The following MDN1 variants were observed in gnomAD, a reference collection of about 807,000 sequenced individuals.
The protein encoded by MDN1 is midasin AAA ATPase 1, also known as midasin.
Under a neutral mutation model 669.2 loss-of-function variants are expected in MDN1, and 266 were observed. The ratio of observed to expected loss-of-function variants is 0.40; its 90% CI spans 0.36 to 0.44. The LOEUF (loss-of-function observed/expected upper bound fraction) is 0.44, where lower values mean the gene tolerates loss of function less well. Ranked by LOEUF, MDN1 falls within the 20% of genes least tolerant of loss-of-function variation. The probability of loss-of-function intolerance (pLI) is 1.00; values close to 1 mark genes in which losing one functional copy is unlikely to be tolerated. For synonymous variants in MDN1, 2,385 were observed against 2,457.1 expected, an observed-to-expected ratio of 0.97 and a Z score of 0.87; for missense variants, 5,940 against 6,754.0, an observed-to-expected ratio of 0.88 and a Z score of 4.22.
At position 89,650,779 on chromosome 6, in the gene MDN1, A is replaced by C; in HGVS notation, c.15984T>G (p.Cys5328Trp). 6.2e-7 allele frequency: 1 copy of C among 1,614,164 alleles called. No homozygotes were observed. The highest frequency in any genetic ancestry group is 1.1e-5 in the South Asian group (1 of 91,088). The change falls in exon 96 of 102, where the codon TGT becomes TGG. Residue 5328 changes from cysteine to tryptophan, a missense_variant. Transcript: ENST00000369393. Reference sequence around the variant, plus strand: ...GCTCTAATATGAGACGAAGCTCTTCACATAACCGTTGTGAAAGAGGCGCTG... The same window carrying C: ...GCTCTAATATGAGACGAAGCTCTTCCCATAACCGTTGTGAAAGAGGCGCTG... ...ILTAPLSQRL[C>W]EELRLILEPT...
Position 89,787,889 on chromosome 6 carries a change from T to C in MDN1, c.1299A>G (p.Lys433=). The C allele has an allele frequency of 6.2e-7, 1 of 1,613,684 alleles. No individual in the cohort carries two copies. The highest frequency in any genetic ancestry group is 8.5e-7 in the Non-Finnish European group (1 of 1,180,006). The change falls in exon 8 of 102, where the codon AAA becomes AAG. Residue 433 remains lysine (K), a synonymous_variant. Coordinates refer to ENST00000369393, the MANE Select transcript of MDN1 (RefSeq NM_014611.3). ...CAAAAAACTGAAATCCAGGTGCCAC[T>C]TTCAGACAGTCACCTCGGCCAGGAA... ...LLIPGRGDCL[K]VAPGFQFFAT...
At position 89,714,820 on chromosome 6, in the gene MDN1, A is replaced by G. The variant is rs925703828; in HGVS notation, c.6861-69T>C. 1.3e-5 allele frequency: 17 copies of G among 1,336,100 alleles called. No homozygotes were observed. In the African/African-American group the frequency reaches 2.1e-4, roughly 16 times the overall value. 82.8% of individuals were successfully genotyped at this position (1,336,100 alleles called of 1,614,324 possible). ...AGTGCAACCAAAGGTGTAGCTCAGC[A>G]TCAGTCAGTGAGGGCAAATCCTATG... is the stretch of plus-strand genomic sequence containing the variant. On this transcript the variant is annotated intron_variant, in intron 45 of 101. Coordinates refer to ENST00000369393, the MANE Select transcript of MDN1 (RefSeq NM_014611.3).
At chr6:89,787,078 A>G (rs1315503212) in intron 8 of MDN1, among the ~76,000 whole-genome samples, 1 of 35,076 alleles carries the variant, frequency 2.9e-5, no homozygotes, top group Non-Finnish European at 5.2e-5. Flanking sequence ...CCATTTCAAG[A>G]AAAAAAAAAA....
chr6:89,722,830 GAGTGAAACCC>G, intron 40 of MDN1, 115 bp downstream of exon 40: 1 of 856,318 alleles, frequency 1.2e-6, no homozygotes, highest in Non-Finnish European at 1.7e-6. Flanking sequence ...TGGGCAACAA[GAGTGAAACCC>G]AGTCTCAAAA....
At position 89,774,742 on chromosome 6, in the gene MDN1, G is replaced by T. The variant is rs376171132; in HGVS notation, c.1822-9C>A. On this transcript the variant is annotated splice_polypyrimidine_tract_variant and intron_variant, in intron 12 of 101. Coordinates refer to ENST00000369393, the MANE Select transcript of MDN1 (RefSeq NM_014611.3). Reference sequence around the variant, plus strand: ...TGACAAAAGAATTCAGCCTGTAGGAGGTAAGATTTTACCTGAGTAAAAATC... The same window carrying T: ...TGACAAAAGAATTCAGCCTGTAGGATGTAAGATTTTACCTGAGTAAAAATC... The T allele has an allele frequency of 1.4e-5, 23 of 1,587,420 alleles. No homozygotes were observed. The highest frequency in any genetic ancestry group is 1.7e-4 in the Middle Eastern group (1 of 5,998).
At position 89,797,242 on chromosome 6, in the gene MDN1, C is replaced by A. The variant is rs986702376; in HGVS notation, c.330-2441G>T. Among the ~76,000 whole-genome samples, 5 of 149,522 alleles carry A rather than the reference C, an allele frequency of 3.3e-5. No individual in the cohort carries two copies. In the South Asian group the frequency reaches 8.6e-4, roughly 26 times the overall value. ...AAAATTAGCTGGGCGTGGTGGCACA[C>A]GCCTGTAGTCCCAGCTACCCAGAAG... On this transcript the variant is annotated intron_variant, in intron 2 of 101. Transcript: ENST00000369393.
rs1816690389 is a variant in MDN1 at position 89,747,380 on chromosome 6, C to A, written c.3853G>T (p.Ala1285Ser). Residue 1285 changes from alanine to serine, a missense_variant, in exon 27 of 102, where the codon GCT becomes TCT. By Grantham distance (99) the Ala-to-Ser change is moderately conservative. Coordinates refer to ENST00000369393, the MANE Select transcript of MDN1 (RefSeq NM_014611.3). ...TCATACTCCTTCTCGGTCGGCTCAG[C>A]CAATCTGTATCTTTCAGCCCATCGG... ...LFRWAERYRL[A>S]EPTEKEYDWL... 6.2e-7 allele frequency: 1 copy of A among 1,614,114 alleles called. No homozygotes were observed. Among genetic ancestry groups the A allele is most frequent in the South Asian group, 1.1e-5 (1 of 91,070 alleles).
In MDN1 at chr6:89,771,585, CTT is replaced by C. The variant is rs745534877; in HGVS notation, c.2118_2119del (p.Ser707Ter). On this transcript the variant is annotated frameshift_variant, in exon 15 of 102. Transcript: ENST00000369393. LOFTEE classifies it high-confidence loss of function. The stretch of plus-strand genomic sequence containing the variant: ...CCCTCCAAGCAAGTCTGCAGTATCA[CTT>C]TGTTGATTCATATTGACAACCCTCA... 1 of 1,613,998 alleles carries C rather than the reference CTT, an allele frequency of 6.2e-7. No individual in the cohort carries two copies. The highest frequency in any genetic ancestry group is 8.5e-7 in the Non-Finnish European group (1 of 1,179,944).
intron 35 of MDN1, 89 bp from the exon 36 acceptor site, chr6:89,729,228 A>C: frequency 5.1e-6 from 5 of 988,934 alleles, no homozygotes; most frequent in African/African-American, 1.6e-5. Context: ...AATCTACCAC[A>C]TGGGTTATCA....
chr6:89,729,113 C>T lies in MDN1; in HGVS notation c.5167G>A (p.Ala1723Thr), dbSNP rs757428086. Reference sequence around the variant, plus strand: ...GTCCCTGCACTGAGTGCATAGTCTGCAATATTATTCCTGTGTAGGACAGGT... The same window carrying T: ...GTCCCTGCACTGAGTGCATAGTCTGTAATATTATTCCTGTGTAGGACAGGT... Reference protein sequence around the residue: ...RGPVLHRNNIADYALSAGTTA... With the variant: ...RGPVLHRNNITDYALSAGTTA... Residue 1723 changes from alanine to threonine, a missense_variant, in exon 36 of 102, where the codon GCA (alanine) becomes ACA (threonine). Physicochemically the swap from Ala to Thr is moderately conservative, Grantham distance 58. Transcript: ENST00000369393. The T allele has an allele frequency of 1.2e-6, 2 of 1,613,380 alleles. No individual in the cohort carries two copies. Among genetic ancestry groups the T allele is most frequent in the South Asian group, 1.1e-5 (1 of 91,042 alleles).
Position 89,781,439 on chromosome 6 carries a change from T to A in MDN1, c.1603A>T (p.Asn535Tyr). ...PEEVSEARRE[N>Y]KRPTLEGREL... ...CTTCCCTCAAGGGTTGGTCTTTTGTTTTCTCTTCTGGCTTCTGAAACTTCT... is the reference window on the plus strand; with the variant it reads ...CTTCCCTCAAGGGTTGGTCTTTTGTATTCTCTTCTGGCTTCTGAAACTTCT... Residue 535 changes from asparagine to tyrosine, a missense_variant, in exon 10 of 102, where the codon AAC becomes TAC. Physicochemically the swap from Asn to Tyr is moderately radical, Grantham distance 143. This residue lies in a region of MDN1 where 1,203 missense variants were observed against 1,268.9 expected (regional missense o/e 0.95). Coordinates refer to ENST00000369393, the MANE Select transcript of MDN1 (RefSeq NM_014611.3). 6.2e-7 allele frequency: 1 copy of A among 1,614,160 alleles called. No individual in the cohort carries two copies. The highest frequency in any genetic ancestry group is 8.5e-7 in the Non-Finnish European group (1 of 1,179,998).
In MDN1 at chr6:89,694,727, T is replaced by C. The variant is rs187819806; in HGVS notation, c.9772-544A>G. Among the ~76,000 whole-genome samples the C allele has an allele frequency of 3.4e-3, 517 of 151,986 alleles. 2 individuals carry two copies. The highest frequency in any genetic ancestry group is 6.7e-3 in the South Asian group (32 of 4,790). ...CCCAGCTTTTTTTTTTTTTCCTTTTTTTGTAGAGACAGGAATCTTACTATG... is the reference window on the plus strand; with the variant it reads ...CCCAGCTTTTTTTTTTTTTCCTTTTCTTGTAGAGACAGGAATCTTACTATG... On this transcript the variant is annotated intron_variant, in intron 61 of 101. Coordinates refer to ENST00000369393, the MANE Select transcript of MDN1 (RefSeq NM_014611.3).
chr6:89,690,211 A>G, intron 64 of MDN1, 68 bp from the exon 65 acceptor site: 1 of 1,499,226 alleles, frequency 6.7e-7, no homozygotes, highest in Non-Finnish European at 9.1e-7. Flanking sequence ...ACTAAAAGGA[A>G]GAAAGAAAAA....
chr6:89,689,812 G>A, intron 65 of MDN1, 58 bp downstream of exon 65: 3 of 1,551,130 alleles, frequency 1.9e-6, no homozygotes, highest in South Asian at 2.3e-5. Flanking sequence ...AGTAGCAACA[G>A]CATCTATTTG....
chr6:89,758,231 A>C (rs913400861), intron 19 of MDN1, 24 bp downstream of exon 19: 1 of 1,571,444 alleles, frequency 6.4e-7, no homozygotes, highest in Non-Finnish European at 8.7e-7. Context: ...AAAAAAGGAA[A>C]GTCTCCAAGA....
chr6:89,695,980 G>A lies in MDN1; in HGVS notation c.9396C>T (p.Ser3132=), dbSNP rs1294826063. The change falls in exon 61 of 102, where the codon TCC becomes TCT. Residue 3132 remains serine, a synonymous_variant. Transcript: ENST00000369393. This position sits in a 1 kb window ranked among gnomAD's most constrained non-coding sequence, Gnocchi z 4.1. ...SSVAEFRRTD[S]QLQGQVLFRH... is the part of the protein sequence containing the mutation. ...GGAACAGCACCTGCCCCTGGAGTTG[G>A]GAATCCGTGCGTCTGTGGGGACAAA... The A allele has an allele frequency of 6.2e-7, 1 of 1,607,574 alleles. No homozygotes were observed. Among genetic ancestry groups the A allele is most frequent in the Non-Finnish European group, 8.5e-7 (1 of 1,176,644 alleles).
Position 89,719,040 on chromosome 6 carries a change from C to T in MDN1, c.6058-10G>A. On this transcript the variant is annotated splice_polypyrimidine_tract_variant and intron_variant, in intron 41 of 101. Transcript: ENST00000369393. ...GGACTGAGTAGCCCAACTGAAAAGACATGCCAGTGAGATTTCCATAAGCGT... is the reference window on the plus strand; with the variant it reads ...GGACTGAGTAGCCCAACTGAAAAGATATGCCAGTGAGATTTCCATAAGCGT... 6.2e-7 allele frequency: 1 copy of T among 1,613,988 alleles called. No individual in the cohort carries two copies. The highest frequency in any genetic ancestry group is 8.5e-7 in the Non-Finnish European group (1 of 1,179,866).
At chr6:89,667,884 T>C in intron 84 of MDN1, 130 bp downstream of exon 84, 2 of 1,074,726 alleles carry the variant, frequency 1.9e-6, no homozygotes, top group Non-Finnish European at 2.5e-6. Flanking sequence ...GAAGCACCAA[T>C]ATATCTAGGG....
chr6:89,685,847 A>T lies in MDN1; in HGVS notation c.11699T>A (p.Met3900Lys). Residue 3900 changes from methionine to lysine, a missense_variant, in exon 70 of 102, where the codon ATG becomes AAG. Transcript: ENST00000369393. ...LLVFHCHVLLMPQVEGKDSLC... is the reference protein window; with the variant it reads ...LLVFHCHVLLKPQVEGKDSLC... ...CTCACCCTTTCCTTCAACCTGTGGC[A>T]TCAGCAAGACATGACAATGGAAAAC... 1 of 1,613,900 alleles carries T rather than the reference A, an allele frequency of 6.2e-7. No individual in the cohort carries two copies. Among genetic ancestry groups the T allele is most frequent in the South Asian group, 1.1e-5 (1 of 91,008 alleles).
Sources: allele counts gnomAD v4.1 joint callset (sites outside exome capture counted in the v4.1 genomes callset), GRCh38; gene constraint gnomAD v4.1.1; regional missense constraint gnomAD v4.1.1; non-coding constraint Gnocchi (gnomAD v3.1); transcripts MANE v1.5; gene names NCBI Gene and HGNC (gene_info 2026-07-23, HGNC 2026-07-21).